FYB1: variants seen among roughly 807,000 people sequenced by gnomAD.
FYB1 encodes the protein FYN binding protein 1.
A neutral mutation model predicts 94.1 loss-of-function variants in FYB1; 41 were observed. The ratio of observed to expected loss-of-function variants is 0.44; its 90% confidence interval spans 0.34 to 0.57. The LOEUF (loss-of-function observed/expected upper bound fraction) is 0.57, where lower values mean the gene tolerates loss of function less well. Ranked by LOEUF, FYB1 falls within the 20% of genes least tolerant of loss-of-function variation. FYB1 has a pLI of 0.02. For missense variants in FYB1, 1,050 were observed against 976.8 expected (o/e 1.07, Z -1.00); for synonymous variants, 367 against 353.2 (o/e 1.04, Z -0.44).
intron 14 of FYB1, 42 bp from the exon 15 acceptor site, chr5:39,119,676 A>G: frequency 7.0e-7 from 1 of 1,436,478 alleles, no homozygotes; most frequent in African/African-American, 1.5e-5. Flanking sequence ...TTTGTTTAGA[A>G]AATTAAAAAG....
At chr5:39,263,225 G>A (rs1205113921) in intron 1 of FYB1, among the ~76,000 whole-genome samples, 2 of 152,070 alleles carry the variant, frequency 1.3e-5, no homozygotes, top group South Asian at 2.1e-4. Flanking sequence ...CAAGAGCAAG[G>A]GTGCCACAAA....
chr5:39,204,659 T>A (rs568525867), intron 1 of FYB1, among the ~76,000 whole-genome samples: 2 of 152,244 alleles, frequency 1.3e-5, no homozygotes, highest in South Asian at 4.2e-4. Flanking sequence ...CCTGGCTCCC[T>A]CAGGATTCTA....
intron 3 of FYB1, among the ~76,000 whole-genome samples, chr5:39,142,452 T>C (rs569004678): frequency 6.6e-6 from 1 of 152,198 alleles, no homozygotes; most frequent in African/African-American, 2.4e-5. Flanking sequence ...TATTCTGAAT[T>C]TGATCTGAAT....
At chr5:39,169,956 G>C in intron 2 of FYB1, 1 of 653,874 alleles carries the variant, frequency 1.5e-6, no homozygotes, top group East Asian at 2.9e-5. Flanking sequence ...GGAAATTAAA[G>C]GGCAGCTCAT....
chr5:39,170,441 G>C, intron 2 of FYB1: 3 of 393,182 alleles, frequency 7.6e-6, no homozygotes, highest in Non-Finnish European at 9.4e-6. Flanking sequence ...ACCTGGAGGG[G>C]GCCCAGGCTG....
chr5:39,181,555 T>G (rs932453340), intron 2 of FYB1, among the ~76,000 whole-genome samples: 14 of 152,186 alleles, frequency 9.2e-5, no homozygotes, highest in Non-Finnish European at 1.5e-5. Flanking sequence ...GAAGCTCCTG[T>G]GAGCTCTGGG....
intron 1 of FYB1, among the ~76,000 whole-genome samples, chr5:39,249,351 C>A (rs565259429): frequency 6.6e-6 from 1 of 152,182 alleles, no homozygotes; most frequent in Non-Finnish European, 1.5e-5. Context: ...GCTGAAATGA[C>A]GCAGCTCTGC....
rs758097192 is a variant in FYB1 at position 39,202,118 on chromosome 5, T to C, written c.843A>G (p.Glu281=). Residue 281 remains glutamate (E), a synonymous_variant, in exon 2 of 19, where the codon GAA becomes GAG. Transcript: ENST00000512982. ...GGPGLSKNGE[E]KKEDRKIDAA... is the part of the protein sequence containing the mutation. ...CATCTATCTTCCTATCTTCCTTTTT[T>C]TCTTCACCATTTTTGGAGAGACCTG... 1 of 1,614,036 alleles carries C rather than the reference T, an allele frequency of 6.2e-7. No individual in the cohort carries two copies. Among genetic ancestry groups the C allele is most frequent in the South Asian group, 1.1e-5 (1 of 91,088 alleles).
In FYB1 at chr5:39,110,349, G is replaced by A. The variant is rs1398897999; in HGVS notation, c.2435+7C>T. On this transcript the variant is annotated splice_region_variant and intron_variant, in intron 17 of 18. Coordinates refer to ENST00000512982, the MANE Select transcript of FYB1 (RefSeq NM_001465.6). The stretch of plus-strand genomic sequence containing the variant: ...ACAAGCATAGTAGTAGAAGAAAATG[G>A]GCTTACTTGTCCGCTAGGTAACTCC... The A allele has an allele frequency of 1.3e-6, 2 of 1,583,952 alleles. No individual in the cohort carries two copies. The highest frequency in any genetic ancestry group is 2.7e-5 in the African/African-American group (2 of 74,220).
At chr5:39,140,564 C>G (rs980755850) in intron 4 of FYB1, among the ~76,000 whole-genome samples, 1 of 152,170 alleles carries the variant, frequency 6.6e-6, no homozygotes, top group Admixed American at 6.5e-5. Context: ...TCTTAGCAAC[C>G]ATTCCACTTC....
chr5:39,258,277 C>T (rs996802129), intron 1 of FYB1, among the ~76,000 whole-genome samples: 2 of 152,036 alleles, frequency 1.3e-5, no homozygotes, highest in African/African-American at 4.8e-5. Flanking sequence ...TACCATTAAT[C>T]AGGGATGAAG....
chr5:39,132,356 C>T (rs987639002), intron 9 of FYB1, among the ~76,000 whole-genome samples: 2 of 152,152 alleles, frequency 1.3e-5, no homozygotes, highest in Non-Finnish European at 2.9e-5. Context: ...GATCTCTGCC[C>T]GCAGCAGCTG....
chr5:39,265,967 C>T (rs1334036237), intron 1 of FYB1, among the ~76,000 whole-genome samples: 1 of 147,636 alleles, frequency 6.8e-6, no homozygotes, highest in Admixed American at 6.7e-5. Flanking sequence ...ACCCCAAACA[C>T]AATTTTTACT....
Position 39,141,147 on chromosome 5 carries a change from A to G in FYB1, c.1293-6T>C, listed in dbSNP as rs772761793. The G allele has an allele frequency of 1.3e-6, 2 of 1,582,290 alleles. No individual in the cohort carries two copies. Among genetic ancestry groups the G allele is most frequent in the Non-Finnish European group, 8.6e-7 (1 of 1,159,744 alleles). On this transcript the variant is annotated splice_polypyrimidine_tract_variant and splice_region_variant and intron_variant, in intron 3 of 18. Coordinates refer to ENST00000512982, the MANE Select transcript of FYB1 (RefSeq NM_001465.6). ...TGTCTTCATTGACAGGGCTTCTGAA[A>G]ACGAGAAAGAAGAAACAGTGAACAT... is the stretch of plus-strand genomic sequence containing the variant.
chr5:39,209,046 C>G (rs1406256632), intron 1 of FYB1: 3 of 86,806 alleles, frequency 3.5e-5, no homozygotes, highest in African/African-American at 7.9e-5. Context: ...ACACACAATG[C>G]GCACACACAC....
chr5:39,223,094 C>A (rs902274527), upstream of FYB1, among the ~76,000 whole-genome samples: 4 of 151,812 alleles, frequency 2.6e-5, no homozygotes, highest in Non-Finnish European at 4.4e-5. Context: ...ACATCCTGCA[C>A]ATGTACCCTG....
At position 39,201,876 on chromosome 5, in the gene FYB1, C is replaced by G. The variant is rs779869755; in HGVS notation, c.1085G>C (p.Arg362Thr). The part of the protein sequence containing the change: ...TLGPPPPKPN[R>T]PPNVDLTKFH... ...TTTCGTCAGGTCAACATTTGGTGGTCTGTTGGGTTTTGGTGGAGGTGGACC... is the reference window on the plus strand; with the variant it reads ...TTTCGTCAGGTCAACATTTGGTGGTGTGTTGGGTTTTGGTGGAGGTGGACC... The change falls in exon 2 of 19, where the codon AGA becomes ACA. Residue 362 changes from arginine (R) to threonine (T), a missense_variant. Arg to Thr is a moderately conservative substitution (Grantham distance 71). Coordinates refer to ENST00000512982, the MANE Select transcript of FYB1 (RefSeq NM_001465.6). The G allele has an allele frequency of 6.2e-7, 1 of 1,613,898 alleles. No homozygotes were observed. Among genetic ancestry groups the G allele is most frequent in the Non-Finnish European group, 8.5e-7 (1 of 1,179,848 alleles).
chr5:39,128,492 G>C (rs1314918632), intron 10 of FYB1, among the ~76,000 whole-genome samples: 1 of 151,996 alleles, frequency 6.6e-6, no homozygotes, highest in African/African-American at 2.4e-5. Context: ...GGAAATATAG[G>C]GGCCATTGAA....
At chr5:39,153,121 G>A (rs879656588) in intron 3 of FYB1, among the ~76,000 whole-genome samples, 7 of 152,188 alleles carry the variant, frequency 4.6e-5, no homozygotes. Flanking sequence ...TGGAGGAGTT[G>A]GAGATGTTGA....
Sources: gnomAD v4.1 joint callset for allele counts (sites outside exome capture counted in the v4.1 genomes callset) on GRCh38, gnomAD v4.1.1 for gene constraint, MANE v1.5 for transcripts, NCBI Gene and HGNC (gene_info 2026-07-23, HGNC 2026-07-21) for gene names.